TLN2: variants seen among roughly 807,000 people sequenced by gnomAD.
TLN2 encodes talin 2, also known as talin-2.
Under a neutral mutation model 294.7 loss-of-function variants are expected in TLN2, and 118 were observed. The ratio of observed to expected loss-of-function variants is 0.40; its 90% CI spans 0.34 to 0.47. The LOEUF (loss-of-function observed/expected upper bound fraction) is 0.47. Ranked by LOEUF, TLN2 falls within the 20% of genes least tolerant of loss-of-function variation. The pLI, the probability that TLN2 is intolerant of heterozygous loss-of-function variation, is 0.84. For missense variants in TLN2, 3,083 were observed against 3,282.2 expected, an observed-to-expected ratio of 0.94 and a Z score of 1.48; for synonymous variants, 1,431 against 1,304.5, an observed-to-expected ratio of 1.10 and a Z score of -2.09.
intron 40 of TLN2, among the ~76,000 whole-genome samples, chr15:62,765,963 A>G (rs773503546): frequency 2.4e-4 from 37 of 152,158 alleles, no homozygotes; most frequent in Admixed American, 8.5e-4. Flanking sequence ...CCCCTCCATT[A>G]TCTGCCTGCA....
At chr15:62,435,374 C>A (rs1475481610) in intron 1 of TLN2, among the ~76,000 whole-genome samples, 1 of 152,190 alleles carries the variant, frequency 6.6e-6, no homozygotes, top group Non-Finnish European at 1.5e-5. Flanking sequence ...CTAATTTACA[C>A]TACCACCAAC....
chr15:62,558,173 A>G (rs1048036802), intron 1 of TLN2, among the ~76,000 whole-genome samples: 16 of 152,258 alleles, frequency 1.1e-4, no homozygotes, highest in African/African-American at 3.9e-4. Context: ...TCTTGTCTAC[A>G]TAACTGTGGA....
chr15:62,443,031 C>T (rs1443542980), intron 1 of TLN2, among the ~76,000 whole-genome samples: 2 of 152,168 alleles, frequency 1.3e-5, no homozygotes, highest in African/African-American at 4.8e-5. Context: ...GTCCTCCTAC[C>T]TCCCCTCTTT....
intron 8 of TLN2, among the ~76,000 whole-genome samples, chr15:62,657,070 G>A (rs1173212251): frequency 3.3e-5 from 5 of 151,936 alleles, no homozygotes; most frequent in African/African-American, 1.2e-4. Context: ...GATGCTTGTT[G>A]GCTTAAGGCT....
intron 12 of TLN2, among the ~76,000 whole-genome samples, chr15:62,691,901 T>A (rs2057948705): frequency 6.6e-6 from 1 of 152,144 alleles, no homozygotes; most frequent in Non-Finnish European, 1.5e-5. Context: ...CTTGAACTCC[T>A]GGGCACAAGT....
At chr15:62,730,181 A>G (rs540923838) in intron 28 of TLN2, among the ~76,000 whole-genome samples, 5 of 152,036 alleles carry the variant, frequency 3.3e-5, no homozygotes, top group Non-Finnish European at 7.4e-5. Context: ...GGCTGGGACT[A>G]TAGGTGTGTG....
chr15:62,808,835 C>T lies in TLN2; in HGVS notation c.6664-1090C>T, dbSNP rs140113591. 3.0e-3 allele frequency among the ~76,000 whole-genome samples: 457 copies of T among 152,288 alleles called. 5 individuals are homozygous for T. The highest frequency in any genetic ancestry group is 0.01 in the African/African-American group (433 of 41,556). On this transcript the variant is annotated intron_variant, in intron 51 of 58. Coordinates refer to ENST00000636159, the MANE Select transcript of TLN2 (RefSeq NM_015059.3). The stretch of plus-strand genomic sequence containing the variant: ...GTCCTCAGATGAGGAAAAGCTGGCT[C>T]ATACATGACATGCTGGCCATGAGAA...
At chr15:62,643,776 C>T (rs1353589906) in intron 3 of TLN2, among the ~76,000 whole-genome samples, 1 of 152,116 alleles carries the variant, frequency 6.6e-6, no homozygotes, top group East Asian at 1.9e-4. Flanking sequence ...GCACCTCAGA[C>T]TCTGCACCCA....
chr15:62,595,412 C>CAA (rs35989710), intron 2 of TLN2, among the ~76,000 whole-genome samples: 27,204 of 81,794 alleles, frequency 0.33, 3,973 homozygotes, highest in South Asian at 0.46. Flanking sequence ...GACTCCGTCT[C>CAA]AAAAAAAAAA....
chr15:62,827,730 A>T (rs749041791), intron 54 of TLN2: 4 of 152,226 alleles, frequency 2.6e-5, no homozygotes, highest in Non-Finnish European at 5.9e-5. Context: ...TAGACAGAGA[A>T]ACAGATTAAT....
At chr15:62,503,957 G>T (rs966156227) in intron 1 of TLN2, among the ~76,000 whole-genome samples, 1 of 151,834 alleles carries the variant, frequency 6.6e-6, no homozygotes, top group Non-Finnish European at 1.5e-5. Context: ...AAAGAGTACC[G>T]GGATTTGGGC....
At chr15:62,484,863 A>G (rs76877318) in intron 1 of TLN2, among the ~76,000 whole-genome samples, 6,773 of 152,182 alleles carry the variant, frequency 0.045, 236 homozygotes, top group African/African-American at 0.097. Context: ...TTAGTTTTTC[A>G]TTGCTGCTGC....
intron 1 of TLN2, among the ~76,000 whole-genome samples, chr15:62,544,968 C>T (rs538815724): frequency 3.5e-4 from 53 of 151,684 alleles, no homozygotes; most frequent in African/African-American, 1.2e-3. Context: ...CTCGCTCTGT[C>T]GCCCAAGCTG....
chr15:62,491,365 C>G (rs1293792317), intron 1 of TLN2, among the ~76,000 whole-genome samples: 1 of 123,312 alleles, frequency 8.1e-6, no homozygotes, highest in Non-Finnish European at 1.6e-5. Flanking sequence ...CACACACACA[C>G]ACACACACAC....
intron 12 of TLN2, among the ~76,000 whole-genome samples, chr15:62,688,816 C>G (rs559312894): frequency 6.6e-5 from 10 of 152,076 alleles, no homozygotes; most frequent in Non-Finnish European, 1.5e-5. Flanking sequence ...GACATAGCCA[C>G]CAATGCTTTT....
At chr15:62,440,081 A>G (rs1390153418) in intron 1 of TLN2, among the ~76,000 whole-genome samples, 1 of 152,126 alleles carries the variant, frequency 6.6e-6, no homozygotes, top group Non-Finnish European at 1.5e-5. Context: ...CTCATTTTAC[A>G]GATGTTCATG....
chr15:62,800,715 C>T lies in TLN2; in HGVS notation c.6423C>T (p.Thr2141=). The change falls in exon 50 of 59, where the codon ACC becomes ACT. Residue 2141 remains threonine, a synonymous_variant. Transcript: ENST00000636159. ...TAAAGGCAGTGGAGGATGAGGCCAC[C>T]CGGGGCACCAGGGCGCTTGAGGCCA... ...KTVKAVEDEA[T]RGTRALEATI... is the part of the protein sequence containing the mutation. The T allele has an allele frequency of 1.2e-6, 2 of 1,613,946 alleles. No individual in the cohort carries two copies. The highest frequency in any genetic ancestry group is 8.5e-7 in the Non-Finnish European group (1 of 1,179,950).
intron 42 of TLN2, among the ~76,000 whole-genome samples, chr15:62,772,376 CTT>C (rs1156339208): frequency 6.6e-6 from 1 of 152,070 alleles, no homozygotes; most frequent in Non-Finnish European, 1.5e-5. Flanking sequence ...TGTTCAGAGT[CTT>C]TTGGAAAAAT....
intron 32 of TLN2, among the ~76,000 whole-genome samples, chr15:62,743,254 C>T (rs1283976790): frequency 6.6e-6 from 1 of 152,030 alleles, no homozygotes; most frequent in Non-Finnish European, 1.5e-5. Context: ...CCTGTCCTTC[C>T]TGTGTGTATC....
Sources: gnomAD v4.1 joint callset for allele counts (sites outside exome capture counted in the v4.1 genomes callset) on GRCh38, gnomAD v4.1.1 for gene constraint, MANE v1.5 for transcripts, NCBI Gene and HGNC (gene_info 2026-07-23, HGNC 2026-07-21) for gene names.